The following PLCB1 variants were observed in gnomAD, a reference collection of about 807,000 sequenced individuals.
The protein encoded by PLCB1 is 1-phosphatidylinositol 4,5-bisphosphate phosphodiesterase beta-1.
PLCB1 carries 46 observed loss-of-function variants against 161.8 expected under a neutral mutation model. The ratio of observed to expected loss-of-function variants is 0.28; its 90% CI spans 0.22 to 0.36. PLCB1 has a LOEUF of 0.36. Ranked by LOEUF, PLCB1 falls within the 10% of genes least tolerant of loss-of-function variation. The pLI is 1.00. For synonymous variants in PLCB1, 517 were observed against 503.7 expected, an observed-to-expected ratio of 1.03 and a Z score of -0.35; for missense variants, 1,016 against 1,472.5, an observed-to-expected ratio of 0.69 and a Z score of 5.07.
intron 2 of PLCB1, among the ~76,000 whole-genome samples, chr20:8,223,127 C>T (rs758603468): frequency 2.0e-5 from 3 of 152,298 alleles, no homozygotes; most frequent in South Asian, 2.1e-4. Flanking sequence ...CATCAATAAG[C>T]TTTCCTGTGT....
At chr20:8,345,702 G>T (rs1346992229) in intron 2 of PLCB1, among the ~76,000 whole-genome samples, 3 of 152,196 alleles carry the variant, frequency 2.0e-5, no homozygotes, top group Non-Finnish European at 4.4e-5. Flanking sequence ...CAAGGTGGAG[G>T]CAATGGGAGG....
intron 3 of PLCB1, among the ~76,000 whole-genome samples, chr20:8,418,716 A>G (rs1979406517): frequency 6.6e-6 from 1 of 152,146 alleles, no homozygotes; most frequent in Non-Finnish European, 1.5e-5. Flanking sequence ...TTGTCCATGA[A>G]TTTATGGACT....
chr20:8,368,695 AATAATT>A (rs1350280165), intron 2 of PLCB1, among the ~76,000 whole-genome samples: 1 of 152,150 alleles, frequency 6.6e-6, no homozygotes, highest in African/African-American at 2.4e-5. Flanking sequence ...GTGTTTTATA[AATAATT>A]ATAAAGAGAA....
chr20:8,277,907 A>C (rs1982659795), intron 2 of PLCB1, among the ~76,000 whole-genome samples: 1 of 152,166 alleles, frequency 6.6e-6, no homozygotes, highest in Admixed American at 6.5e-5. Context: ...AAGTTGAGGA[A>C]TGCAGGGGGT....
intron 24 of PLCB1, among the ~76,000 whole-genome samples, chr20:8,757,810 C>G (rs1445371190): frequency 2.6e-5 from 4 of 151,698 alleles, no homozygotes; most frequent in African/African-American, 7.3e-5. Context: ...TTGCTTTTAG[C>G]TCCTATATTA....
intron 31 of PLCB1, among the ~76,000 whole-genome samples, chr20:8,834,805 C>T (rs6118344): frequency 0.34 from 39,563 of 117,450 alleles, 6,095 homozygotes; most frequent in Middle Eastern, 0.49. Context: ...ATAGACTCTG[C>T]CTCAGAAAAA....
intron 2 of PLCB1, among the ~76,000 whole-genome samples, chr20:8,206,360 C>A (rs754629734): frequency 6.6e-6 from 1 of 152,036 alleles, no homozygotes; most frequent in Non-Finnish European, 1.5e-5. Flanking sequence ...TTATATAGTG[C>A]CCCTCAGTTA....
chr20:8,181,614 G>T (rs1467996847), intron 2 of PLCB1, among the ~76,000 whole-genome samples: 1 of 152,058 alleles, frequency 6.6e-6, no homozygotes, highest in Non-Finnish European at 1.5e-5. Context: ...TATATACAAG[G>T]ATTCTCAGTG....
intron 31 of PLCB1, among the ~76,000 whole-genome samples, chr20:8,825,835 A>T (rs1985667915): frequency 6.6e-6 from 1 of 152,192 alleles, no homozygotes; most frequent in African/African-American, 2.4e-5. Flanking sequence ...GAGTCGGTTT[A>T]TGACAGTGGT....
At chr20:8,534,691 T>G (rs994328302) in intron 3 of PLCB1, among the ~76,000 whole-genome samples, 3 of 152,314 alleles carry the variant, frequency 2.0e-5, no homozygotes, top group Non-Finnish European at 4.4e-5. Context: ...AAGCCATTTT[T>G]CTTTATTCTA....
intron 3 of PLCB1, among the ~76,000 whole-genome samples, chr20:8,604,903 G>A (rs745695847): frequency 9.9e-5 from 15 of 152,022 alleles, no homozygotes; most frequent in Non-Finnish European, 1.8e-4. Context: ...GGGTTTGTTA[G>A]CTACTGAATA....
At chr20:8,511,343 T>C (rs1333379865) in intron 3 of PLCB1, among the ~76,000 whole-genome samples, 1 of 152,172 alleles carries the variant, frequency 6.6e-6, no homozygotes, top group African/African-American at 2.4e-5. Flanking sequence ...TATATATACA[T>C]ACAAAACATT....
intron 2 of PLCB1, among the ~76,000 whole-genome samples, chr20:8,202,922 A>T (rs1978333217): frequency 6.6e-6 from 1 of 152,052 alleles, no homozygotes; most frequent in African/African-American, 2.4e-5. Flanking sequence ...CCTTGAAGAG[A>T]GTTGTATTTC....
intron 31 of PLCB1, among the ~76,000 whole-genome samples, chr20:8,857,826 T>C (rs1255820000): frequency 1.3e-5 from 2 of 152,190 alleles, no homozygotes; most frequent in Non-Finnish European, 2.9e-5. Flanking sequence ...AAACTGACCA[T>C]CCCTTCTATT....
intron 31 of PLCB1, among the ~76,000 whole-genome samples, chr20:8,823,447 A>G (rs142597099): frequency 1.2e-3 from 183 of 152,294 alleles, no homozygotes; most frequent in African/African-American, 4.3e-3. Context: ...TGCCTGCACC[A>G]CTTTAAATAA....
At chr20:8,492,637 G>T (rs768728487) in intron 3 of PLCB1, among the ~76,000 whole-genome samples, 3 of 152,056 alleles carry the variant, frequency 2.0e-5, no homozygotes, top group Non-Finnish European at 4.4e-5. Flanking sequence ...TGGGGTTGGG[G>T]CTGGTGGAAA....
chr20:8,320,270 G>C (rs955917381), intron 2 of PLCB1, among the ~76,000 whole-genome samples: 6 of 152,122 alleles, frequency 3.9e-5, no homozygotes, highest in African/African-American at 1.4e-4. Context: ...TGAGGACTGT[G>C]GGTATCAACT....
At chr20:8,549,974 G>C (rs1330995610) in intron 3 of PLCB1, among the ~76,000 whole-genome samples, 1 of 152,156 alleles carries the variant, frequency 6.6e-6, no homozygotes, top group Non-Finnish European at 1.5e-5. Flanking sequence ...TAAGTTTCCT[G>C]AGGCCTTTGG....
chr20:8,876,583 A>G (rs1240724929), intron 31 of PLCB1, among the ~76,000 whole-genome samples: 1 of 152,202 alleles, frequency 6.6e-6, no homozygotes, highest in African/African-American at 2.4e-5. Context: ...CTAACAACCA[A>G]CCATAAAAAT....
Sources: gnomAD v4.1 joint callset for allele counts (sites outside exome capture counted in the v4.1 genomes callset) on GRCh38, gnomAD v4.1.1 for gene constraint, MANE v1.5 for transcripts, NCBI Gene and HGNC (gene_info 2026-07-23, HGNC 2026-07-21) for gene names.